The following SOX5 variants were observed in gnomAD, a reference collection of about 807,000 sequenced individuals.
The protein encoded by SOX5 is transcription factor SOX-5.
A neutral mutation model predicts 92.0 loss-of-function variants in SOX5; 9 were observed. The observed-to-expected ratio is 0.10, with a 90% CI of 0.06 to 0.17. SOX5 has a LOEUF of 0.17. SOX5 is among the 10% of genes least tolerant of loss of function. SOX5 has a pLI of 1.00. For missense variants in SOX5, 642 were observed against 944.5 expected (o/e 0.68, Z 4.20); for synonymous variants, 344 against 336.3 (o/e 1.02, Z -0.25).
At chr12:23,910,627 C>T (rs571444399) in intron 1 of SOX5, among the ~76,000 whole-genome samples, 5 of 152,106 alleles carry the variant, frequency 3.3e-5, no homozygotes, top group Non-Finnish European at 7.4e-5. Flanking sequence ...AGAGCTGTAT[C>T]ATCTGTTAAG....
rs180849616 is a variant in SOX5 at position 24,107,612 on chromosome 12, T to C, written c.-2+105731A>G. Reference sequence around the variant, plus strand: ...ATTGGTGTTTAGTGGAAGTGTGTTTTATTCTCTCTAAGCTAAAGCTCCCTA... The same window carrying C: ...ATTGGTGTTTAGTGGAAGTGTGTTTCATTCTCTCTAAGCTAAAGCTCCCTA... On this transcript the variant is annotated intron_variant, in intron 4 of 4. Coordinates refer to the SOX5 transcript ENST00000446891. 6.9e-3 allele frequency among the ~76,000 whole-genome samples: 1,046 copies of C among 151,842 alleles called. 19 individuals carry two copies. Among genetic ancestry groups the C allele is most frequent in the African/African-American group, 0.023 (961 of 41,504 alleles).
rs16926831 is a variant in SOX5 at position 23,874,704 on chromosome 12, C to A, written c.270+21089G>T. ...AATTCCAAGAGGCACAGGATGAGGT[C>A]ATGGAATCTACTGAGTACAAATATA... On this transcript the variant is annotated intron_variant, in intron 2 of 14. Coordinates refer to ENST00000451604, the MANE Select transcript of SOX5 (RefSeq NM_006940.6). Among the ~76,000 whole-genome samples the A allele has an allele frequency of 1.9e-3, 294 of 152,242 alleles. 1 individual carries two copies. The highest frequency in any genetic ancestry group is 6.8e-3 in the Middle Eastern group (2 of 294).
intron 1 of SOX5, among the ~76,000 whole-genome samples, chr12:24,556,633 A>G (rs994369954): frequency 6.6e-6 from 1 of 152,270 alleles, no homozygotes; most frequent in Non-Finnish European, 1.5e-5. Flanking sequence ...TGCTAACAGG[A>G]AATCAAAAAG....
chr12:23,873,547 A>C (rs1194264195), intron 2 of SOX5, among the ~76,000 whole-genome samples: 2 of 152,212 alleles, frequency 1.3e-5, no homozygotes, highest in Non-Finnish European at 2.9e-5. Context: ...CATGTTTATA[A>C]ACTTTTATTA....
chr12:24,541,213 T>G (rs1298673302), intron 1 of SOX5, among the ~76,000 whole-genome samples: 2 of 152,342 alleles, frequency 1.3e-5, no homozygotes, highest in South Asian at 4.1e-4. Flanking sequence ...CACTAATGTA[T>G]GCACAGTTCC....
At chr12:24,493,929 C>T (rs191908646) in intron 1 of SOX5, among the ~76,000 whole-genome samples, 1 of 152,098 alleles carries the variant, frequency 6.6e-6, no homozygotes, top group African/African-American at 2.4e-5. Flanking sequence ...CAGTAAAAAG[C>T]CAGTGATACA....
intron 1 of SOX5, among the ~76,000 whole-genome samples, chr12:24,519,963 A>G (rs2138458943): frequency 6.6e-6 from 1 of 152,260 alleles, no homozygotes; most frequent in Non-Finnish European, 1.5e-5. Context: ...AGGGGCCTAT[A>G]TAAGACTATA....
chr12:23,643,008 A>C (rs1592871182), intron 7 of SOX5, among the ~76,000 whole-genome samples: 1 of 133,216 alleles, frequency 7.5e-6, no homozygotes. Flanking sequence ...AATGGCATGA[A>C]CCCGGGAGGC....
At chr12:24,086,253 T>C (rs977920771) in intron 4 of SOX5, among the ~76,000 whole-genome samples, 7 of 151,854 alleles carry the variant, frequency 4.6e-5, no homozygotes, top group African/African-American at 1.7e-4. Flanking sequence ...TTGGAAATAA[T>C]TGAAAATCTG....
chr12:23,867,555 C>G (rs1209075743), intron 2 of SOX5, among the ~76,000 whole-genome samples: 1 of 152,044 alleles, frequency 6.6e-6, no homozygotes, highest in Non-Finnish European at 1.5e-5. Flanking sequence ...AATTGTGTTA[C>G]TATTGGTCTT....
chr12:23,597,338 T>C (rs1035755628), intron 9 of SOX5, among the ~76,000 whole-genome samples: 1 of 152,180 alleles, frequency 6.6e-6, no homozygotes, highest in African/African-American at 2.4e-5. Flanking sequence ...ATGGTAAAAA[T>C]GTGACCAACC....
chr12:23,748,470 C>G (rs1301128158), intron 4 of SOX5, among the ~76,000 whole-genome samples: 1 of 151,954 alleles, frequency 6.6e-6, no homozygotes, highest in East Asian at 1.9e-4. Flanking sequence ...TATTGTTTTA[C>G]TCCACACAAA....
intron 4 of SOX5, among the ~76,000 whole-genome samples, chr12:23,962,354 C>A (rs1947045049): frequency 6.6e-6 from 1 of 152,126 alleles, no homozygotes; most frequent in Non-Finnish European, 1.5e-5. Flanking sequence ...CCCTCCCTCA[C>A]CCCATGTAAA....
At position 23,907,329 on chromosome 12, in the gene SOX5, CT is replaced by C. The variant is rs764387502; in HGVS notation, c.39-11306del. Among the ~76,000 whole-genome samples, 7 of 151,970 alleles carry C rather than the reference CT, an allele frequency of 4.6e-5. No homozygotes were observed. In the East Asian group the frequency reaches 1.4e-3, roughly 29 times the overall value. On this transcript the variant is annotated intron_variant, in intron 1 of 14. Transcript: ENST00000451604. ...ATGTTAATGAACATCAATATTCTTT[CT>C]TTTTTTTATGGAACCCGTCTATTAA...
chr12:23,987,179 G>C (rs921493622), intron 4 of SOX5, among the ~76,000 whole-genome samples: 1 of 152,134 alleles, frequency 6.6e-6, no homozygotes, highest in Non-Finnish European at 1.5e-5. Flanking sequence ...AAATAAGCCA[G>C]AATAAATGAT....
chr12:24,103,149 T>C (rs1946283429), intron 4 of SOX5, among the ~76,000 whole-genome samples: 1 of 152,184 alleles, frequency 6.6e-6, no homozygotes, highest in South Asian at 2.1e-4. Flanking sequence ...AATTAAAGTA[T>C]GCCTCTAATT....
chr12:24,320,172 G>T (rs536086511), intron 2 of SOX5, among the ~76,000 whole-genome samples: 5 of 152,194 alleles, frequency 3.3e-5, no homozygotes, highest in Non-Finnish European at 7.3e-5. Context: ...ACCAAAGGGG[G>T]AAAAGTATTA....
At chr12:24,075,415 G>A (rs1365276867) in intron 4 of SOX5, among the ~76,000 whole-genome samples, 1 of 151,732 alleles carries the variant, frequency 6.6e-6, no homozygotes, top group African/African-American at 2.4e-5. Flanking sequence ...GAAATGAGAG[G>A]CTAAGTATAA....
At chr12:24,531,045 T>A (rs953682072) in intron 1 of SOX5, among the ~76,000 whole-genome samples, 1 of 152,204 alleles carries the variant, frequency 6.6e-6, no homozygotes, top group African/African-American at 2.4e-5. Context: ...CACATGATTG[T>A]GTATATTTCT....
Sources: gnomAD v4.1 joint callset for allele counts (sites outside exome capture counted in the v4.1 genomes callset) on GRCh38, gnomAD v4.1.1 for gene constraint, MANE v1.5 for transcripts, NCBI Gene and HGNC (gene_info 2026-07-23, HGNC 2026-07-21) for gene names.